Variants in THEMIS observed in about 807,000 individuals in gnomAD.
THEMIS encodes thymocyte selection associated.
Under a neutral mutation model 52.6 loss-of-function variants are expected in THEMIS, and 37 were observed. The ratio of observed to expected loss-of-function variants is 0.70; its 90% CI spans 0.54 to 0.93. THEMIS has a LOEUF of 0.93. Among genes scored for constraint, THEMIS ranks in the 40% least tolerant of loss-of-function variants. The probability of loss-of-function intolerance (pLI) is 0.00; values close to 1 mark genes in which losing one functional copy is unlikely to be tolerated. For missense variants in THEMIS, 808 were observed against 763.1 expected, an observed-to-expected ratio of 1.06 and a Z score of -0.69; for synonymous variants, 292 against 272.7, an observed-to-expected ratio of 1.07 and a Z score of -0.70.
chr6:127,721,467 T>C (rs1230980026), intron 4 of THEMIS, among the ~76,000 whole-genome samples: 1 of 152,048 alleles, frequency 6.6e-6, no homozygotes, highest in Non-Finnish European at 1.5e-5. Flanking sequence ...CTTACATTGC[T>C]TATGCAGATA....
At chr6:127,767,881 G>A (rs1015313685) in intron 4 of THEMIS, among the ~76,000 whole-genome samples, 3 of 152,054 alleles carry the variant, frequency 2.0e-5, no homozygotes, top group African/African-American at 4.8e-5. Context: ...TGACAGCTAC[G>A]ACCTCACTAG....
chr6:127,865,024 C>A (rs1779930068), intron 1 of THEMIS, among the ~76,000 whole-genome samples: 1 of 152,120 alleles, frequency 6.6e-6, no homozygotes, highest in South Asian at 2.1e-4. Context: ...ACAACATGTA[C>A]AAACTGTTGC....
At chr6:127,781,204 G>A (rs539630932) in intron 4 of THEMIS, among the ~76,000 whole-genome samples, 52 of 151,696 alleles carry the variant, frequency 3.4e-4, no homozygotes, top group African/African-American at 1.1e-3. Flanking sequence ...ACTTGTGTAT[G>A]CTTCACAAAG....
chr6:127,862,428 A>AT (rs71028110), intron 1 of THEMIS, among the ~76,000 whole-genome samples: 889 of 72,774 alleles, frequency 0.012, 69 homozygotes, highest in Middle Eastern at 0.033. Context: ...TAGGGAGTAA[A>AT]TTTTTTTTTT....
At chr6:127,832,334 T>A (rs1353581941) in intron 2 of THEMIS, among the ~76,000 whole-genome samples, 1 of 152,208 alleles carries the variant, frequency 6.6e-6, no homozygotes, top group Admixed American at 6.5e-5. Context: ...GATGATGAAG[T>A]ACACAGTTTA....
chr6:127,747,571 A>T (rs564563588), intron 4 of THEMIS, among the ~76,000 whole-genome samples: 1 of 151,600 alleles, frequency 6.6e-6, no homozygotes, highest in African/African-American at 2.4e-5. Flanking sequence ...TTGTTAAGGT[A>T]ATTAACCATC....
chr6:127,850,930 A>T (rs1779400728), intron 2 of THEMIS, among the ~76,000 whole-genome samples: 1 of 151,796 alleles, frequency 6.6e-6, no homozygotes, highest in Non-Finnish European at 1.5e-5. Flanking sequence ...GAAAGCCCAG[A>T]TATCAGACTT....
chr6:127,707,161 T>A (rs936253026), downstream of THEMIS, among the ~76,000 whole-genome samples: 1 of 151,842 alleles, frequency 6.6e-6, no homozygotes, highest in Non-Finnish European at 1.5e-5. Context: ...GGGGAAACTG[T>A]CCCCATGACT....
chr6:127,838,320 A>C (rs1283996932), intron 2 of THEMIS, among the ~76,000 whole-genome samples: 1 of 152,100 alleles, frequency 6.6e-6, no homozygotes, highest in Non-Finnish European at 1.5e-5. Flanking sequence ...ATATAGGTGG[A>C]AAAGTTGTTA....
chr6:127,708,102 G>T (rs1773850549), downstream of THEMIS: 1 of 152,024 alleles, frequency 6.6e-6, no homozygotes, highest in Non-Finnish European at 1.5e-5. Flanking sequence ...CCTCCTTAGT[G>T]AACAATTTAT....
chr6:127,836,006 CA>C (rs1341744159), intron 2 of THEMIS, among the ~76,000 whole-genome samples: 1 of 152,128 alleles, frequency 6.6e-6, no homozygotes, highest in Non-Finnish European at 1.5e-5. Context: ...CGTTGTTATT[CA>C]CAAGGTATAC....
intron 1 of THEMIS, among the ~76,000 whole-genome samples, chr6:127,882,860 G>A (rs1045352156): frequency 6.6e-6 from 1 of 151,618 alleles, no homozygotes; most frequent in Non-Finnish European, 1.5e-5. Context: ...TGGTTTATTT[G>A]AGCCCGAAAA....
In THEMIS at chr6:127,829,352, C is replaced by A. The variant is rs1349656139; in HGVS notation, c.709+124G>T. 6.8e-6 allele frequency: 5 copies of A among 738,194 alleles called. No individual in the cohort carries two copies. The South Asian group carries it at 9.6e-5, about 14-fold the overall frequency. 45.7% of individuals were successfully genotyped at this position (738,194 alleles called of 1,614,324 possible). On this transcript the variant is annotated intron_variant, in intron 3 of 5. Transcript: ENST00000368248. ...GTTTGCTTATTGATTGATGAGGAAT[C>A]TAACTCTCACAGGCTCAATAGTTGA...
chr6:127,902,343 A>T (rs76214308), upstream of THEMIS, among the ~76,000 whole-genome samples: 2,777 of 150,344 alleles, frequency 0.018, 45 homozygotes, highest in South Asian at 0.041. Flanking sequence ...AAAAAAAAAA[A>T]AATAAAGAAT....
chr6:127,864,971 G>C (rs1033031479), intron 1 of THEMIS, among the ~76,000 whole-genome samples: 1 of 152,126 alleles, frequency 6.6e-6, no homozygotes, highest in Non-Finnish European at 1.5e-5. Context: ...TCTCCCAGTG[G>C]AGTCACATGG....
chr6:127,820,461 G>A (rs1778299500), intron 3 of THEMIS, among the ~76,000 whole-genome samples: 1 of 152,102 alleles, frequency 6.6e-6, no homozygotes, highest in African/African-American at 2.4e-5. Context: ...TGAGAGCACA[G>A]GGACTGGACA....
At chr6:127,722,051 T>C (rs1029013003) in intron 4 of THEMIS, among the ~76,000 whole-genome samples, 3 of 152,050 alleles carry the variant, frequency 2.0e-5, no homozygotes, top group African/African-American at 4.8e-5. Flanking sequence ...TTCATCAGAA[T>C]AGGTTCTGTA....
intron 4 of THEMIS, among the ~76,000 whole-genome samples, chr6:127,802,933 T>C (rs1034861523): frequency 1.3e-5 from 2 of 152,238 alleles, no homozygotes; most frequent in Non-Finnish European, 2.9e-5. Context: ...TTTAATGAAT[T>C]TTCTGAATGT....
At chr6:127,760,533 T>G (rs938499871) in intron 4 of THEMIS, among the ~76,000 whole-genome samples, 2 of 152,236 alleles carry the variant, frequency 1.3e-5, no homozygotes. Context: ...ACCTGAAATC[T>G]CAGCACTTTG....
Sources: allele counts gnomAD v4.1 joint callset (sites outside exome capture counted in the v4.1 genomes callset), GRCh38; gene constraint gnomAD v4.1.1; transcripts MANE v1.5; gene names NCBI Gene and HGNC (gene_info 2026-07-23, HGNC 2026-07-21).